Variants in PDE8A observed in about 807,000 individuals in gnomAD.
PDE8A encodes phosphodiesterase 8A, also known as high affinity cAMP-specific and IBMX-insensitive 3',5'-cyclic phosphodiesterase 8A.
A neutral mutation model predicts 105.0 loss-of-function variants in PDE8A; 59 were observed. That is an observed-to-expected ratio of 0.56 (90% confidence interval 0.46 to 0.70). The LOEUF is 0.70. Ranked by LOEUF, PDE8A falls within the 30% of genes least tolerant of loss-of-function variation. The pLI, the probability that PDE8A is intolerant of heterozygous loss-of-function variation, is 0.00. For synonymous variants in PDE8A, 355 were observed against 371.9 expected (o/e 0.95, Z 0.52); for missense variants, 1,014 against 1,045.9 (o/e 0.97, Z 0.42).
At chr15:85,002,892 A>C (rs2080088510) in intron 1 of PDE8A, among the ~76,000 whole-genome samples, 1 of 152,230 alleles carries the variant, frequency 6.6e-6, no homozygotes, top group African/African-American at 2.4e-5. Context: ...ACAAAAGACC[A>C]AATATTTTAA....
chr15:85,112,149 CTGTT>C (rs1197734994), intron 12 of PDE8A, among the ~76,000 whole-genome samples: 1 of 151,988 alleles, frequency 6.6e-6, no homozygotes, highest in Non-Finnish European at 1.5e-5. Flanking sequence ...CCTTATTGCT[CTGTT>C]TGATTTTTTT....
At chr15:85,099,129 G>C (rs1011824382) in intron 9 of PDE8A, among the ~76,000 whole-genome samples, 1 of 152,200 alleles carries the variant, frequency 6.6e-6, no homozygotes, top group Admixed American at 6.5e-5. Flanking sequence ...TTGTTTAATT[G>C]AGCCCCTCCC....
intron 1 of PDE8A, among the ~76,000 whole-genome samples, chr15:84,985,119 C>G (rs1469509172): frequency 6.6e-6 from 1 of 152,098 alleles, no homozygotes; most frequent in Non-Finnish European, 1.5e-5. Flanking sequence ...GATTGTGGAG[C>G]CCTTTTCTTG....
intron 1 of PDE8A, among the ~76,000 whole-genome samples, chr15:84,994,434 C>G (rs2079941740): frequency 6.6e-6 from 1 of 152,230 alleles, no homozygotes; most frequent in South Asian, 2.1e-4. Flanking sequence ...CAAATCAAGA[C>G]AGAACATTTC....
chr15:85,055,378 T>G (rs2081043966), intron 1 of PDE8A, among the ~76,000 whole-genome samples: 1 of 152,182 alleles, frequency 6.6e-6, no homozygotes, highest in Non-Finnish European at 1.5e-5. Flanking sequence ...TAACTTTCTG[T>G]CTTGTTGATC....
At position 85,084,749 on chromosome 15, in the gene PDE8A, G is replaced by A. The variant is rs144968330; in HGVS notation, c.635+1105G>A. Among the ~76,000 whole-genome samples, 354 of 152,246 alleles carry A rather than the reference G, an allele frequency of 2.3e-3. 2 individuals are homozygous for A. The highest frequency in any genetic ancestry group is 8.2e-3 in the African/African-American group (339 of 41,550). ...GCTTTAAACTGAAATCTGCATTTTC[G>A]AAACTGCATTCATTCTTTCTTCCAT... On this transcript the variant is annotated intron_variant, in intron 6 of 21. Coordinates refer to ENST00000394553, the MANE Select transcript of PDE8A (RefSeq NM_002605.3).
At chr15:84,991,874 G>A (rs1351552223) in intron 1 of PDE8A, among the ~76,000 whole-genome samples, 1 of 152,158 alleles carries the variant, frequency 6.6e-6, no homozygotes, top group African/African-American at 2.4e-5. Flanking sequence ...TAGGCTGGGA[G>A]TGGTGGCTCA....
intron 1 of PDE8A, among the ~76,000 whole-genome samples, chr15:85,019,122 A>G (rs1425524332): frequency 6.6e-6 from 1 of 152,144 alleles, no homozygotes; most frequent in Non-Finnish European, 1.5e-5. Context: ...CACTATTGTG[A>G]ACTTGCTGGG....
chr15:85,000,687 G>C (rs530374623), intron 1 of PDE8A, among the ~76,000 whole-genome samples: 5 of 152,224 alleles, frequency 3.3e-5, no homozygotes, highest in Non-Finnish European at 5.9e-5. Context: ...ATGTGAACTG[G>C]GCCCTGGCTC....
intron 12 of PDE8A, among the ~76,000 whole-genome samples, chr15:85,113,021 C>T (rs1240575979): frequency 2.0e-5 from 3 of 152,078 alleles, no homozygotes; most frequent in Non-Finnish European, 4.4e-5. Flanking sequence ...CATTGTCTTC[C>T]GGAACATTTT....
At chr15:84,997,175 C>A (rs758472122) in intron 1 of PDE8A, among the ~76,000 whole-genome samples, 1 of 151,992 alleles carries the variant, frequency 6.6e-6, no homozygotes, top group Non-Finnish European at 1.5e-5. Flanking sequence ...CATACTTACT[C>A]TATAAGCTTT....
intron 1 of PDE8A, among the ~76,000 whole-genome samples, chr15:85,054,755 C>A (rs2081033391): frequency 6.6e-6 from 1 of 152,128 alleles, no homozygotes; most frequent in African/African-American, 2.4e-5. Flanking sequence ...TCTTTTCAAA[C>A]AACCAGCTCC....
intron 6 of PDE8A, among the ~76,000 whole-genome samples, chr15:85,087,771 C>G (rs1387171504): frequency 6.6e-6 from 1 of 151,938 alleles, no homozygotes; most frequent in Non-Finnish European, 1.5e-5. Context: ...TATAGTGTGC[C>G]AGTGAGAAAA....
intron 1 of PDE8A, among the ~76,000 whole-genome samples, chr15:85,056,869 G>A (rs771937241): frequency 1.1e-4 from 17 of 152,170 alleles, no homozygotes; most frequent in East Asian, 3.9e-4. Flanking sequence ...GAGGAGCTGC[G>A]TTCCTTTGGA....
intron 1 of PDE8A, among the ~76,000 whole-genome samples, chr15:85,047,269 A>T (rs754819986): frequency 2.0e-5 from 3 of 152,228 alleles, no homozygotes; most frequent in Non-Finnish European, 4.4e-5. Flanking sequence ...GAAAGGATGG[A>T]TACAAGAATT....
At chr15:85,081,575 G>A (rs1399914509) in intron 5 of PDE8A, among the ~76,000 whole-genome samples, 1 of 152,154 alleles carries the variant, frequency 6.6e-6, no homozygotes, top group East Asian at 1.9e-4. Flanking sequence ...AAGGTTAAGG[G>A]AGAGGAGACT....
intron 5 of PDE8A, among the ~76,000 whole-genome samples, chr15:85,080,874 A>G (rs919467058): frequency 6.6e-6 from 1 of 152,218 alleles, no homozygotes; most frequent in Admixed American, 6.5e-5. Context: ...GGACACGTCC[A>G]TGCAAAAAGC....
At chr15:85,069,521 C>A (rs571822382) in intron 3 of PDE8A, among the ~76,000 whole-genome samples, 3 of 152,160 alleles carry the variant, frequency 2.0e-5, no homozygotes, top group Non-Finnish European at 4.4e-5. Context: ...CTTTTCTGAA[C>A]TGAGCACACC....
chr15:85,109,148 G>A lies in PDE8A; in HGVS notation c.1114+18G>A, dbSNP rs1166410312. 1 of 1,575,670 alleles carries A rather than the reference G, an allele frequency of 6.3e-7. No individual in the cohort carries two copies. The highest frequency in any genetic ancestry group is 8.7e-7 in the Non-Finnish European group (1 of 1,146,784). ...AACTGAAGGTGAGTGACAAAGACAA[G>A]AGAAAAAAATGTGATCAAATCACTG... On this transcript the variant is annotated intron_variant, in intron 12 of 21. Transcript: ENST00000394553.
Sources: allele counts gnomAD v4.1 joint callset (sites outside exome capture counted in the v4.1 genomes callset), GRCh38; gene constraint gnomAD v4.1.1; transcripts MANE v1.5; gene names NCBI Gene and HGNC (gene_info 2026-07-23, HGNC 2026-07-21).